The following WRN variants were observed in gnomAD, a reference collection of about 807,000 sequenced individuals.
WRN encodes the protein WRN RecQ like helicase.
A neutral mutation model predicts 180.7 loss-of-function variants in WRN; 149 were observed. The observed-to-expected ratio is 0.82, with a 90% CI of 0.72 to 0.94. The LOEUF (loss-of-function observed/expected upper bound fraction) is 0.94. Ranked by LOEUF, WRN falls within the 40% of genes least tolerant of loss-of-function variation. The probability of loss-of-function intolerance (pLI) is 0.00; values close to 1 mark genes in which losing one functional copy is unlikely to be tolerated. For missense variants in WRN, 1,661 were observed against 1,700.1 expected, an observed-to-expected ratio of 0.98 and a Z score of 0.40; for synonymous variants, 548 against 568.9, an observed-to-expected ratio of 0.96 and a Z score of 0.52.
intron 8 of WRN, among the ~76,000 whole-genome samples, chr8:31,080,166 C>T (rs746123282): frequency 6.6e-6 from 1 of 152,202 alleles, no homozygotes; most frequent in Admixed American, 6.5e-5. Context: ...CAGGCATGAA[C>T]CACCGTGCCC....
chr8:31,066,367 T>A (rs1390263803), intron 5 of WRN, among the ~76,000 whole-genome samples: 2 of 151,860 alleles, frequency 1.3e-5, no homozygotes, highest in East Asian at 3.9e-4. Flanking sequence ...GTATTTTTTT[T>A]AGTAGAGACG....
At chr8:31,045,543 C>T (rs1196955395) in intron 1 of WRN, among the ~76,000 whole-genome samples, 2 of 151,952 alleles carry the variant, frequency 1.3e-5, no homozygotes, top group Non-Finnish European at 2.9e-5. Context: ...GATGGGATTA[C>T]AGCACTCGCT....
At chr8:31,050,090 TTAAAGA>T (rs1221469834) in intron 1 of WRN, among the ~76,000 whole-genome samples, 1 of 152,082 alleles carries the variant, frequency 6.6e-6, no homozygotes, top group Non-Finnish European at 1.5e-5. Flanking sequence ...TCCAAATAAC[TTAAAGA>T]TAATTCTTGT....
chr8:31,135,373 G>A lies in WRN; in HGVS notation c.2967+2867G>A, dbSNP rs1218841978. Among the ~76,000 whole-genome samples, 4 of 152,104 alleles carry A rather than the reference G, an allele frequency of 2.6e-5. No individual in the cohort carries two copies. The East Asian group carries it at 7.7e-4, about 29-fold the overall frequency. On this transcript the variant is annotated intron_variant, in intron 24 of 34. Transcript: ENST00000298139. ...TGAGTTTAAAATTTCTTGAGTTGGAGTTTATGGCTATTTTTTCCACTAGTT... is the reference window on the plus strand; with the variant it reads ...TGAGTTTAAAATTTCTTGAGTTGGAATTTATGGCTATTTTTTCCACTAGTT...
chr8:31,065,780 T>G (rs1463116830), intron 5 of WRN, among the ~76,000 whole-genome samples: 1 of 152,146 alleles, frequency 6.6e-6, no homozygotes, highest in Non-Finnish European at 1.5e-5. Flanking sequence ...CTGGGGCAAA[T>G]GGTATTTCTT....
intron 4 of WRN, 60 bp downstream of exon 4, chr8:31,064,494 C>T (rs1486689108): frequency 1.2e-6 from 2 of 1,608,188 alleles, no homozygotes; most frequent in Non-Finnish European, 1.7e-6. Context: ...CAACTTTATC[C>T]CTATAAAATT....
At chr8:31,120,147 A>G (rs1801667316) in intron 20 of WRN, 96 bp from the exon 21 acceptor site, 1 of 1,454,150 alleles carries the variant, frequency 6.9e-7, no homozygotes, top group African/African-American at 1.4e-5. Flanking sequence ...CCAGGGACTT[A>G]AGTTAACGAA....
intron 31 of WRN, 97 bp from the exon 32 acceptor site, chr8:31,154,522 TTTAAC>T (rs2130469194): frequency 2.2e-6 from 3 of 1,392,816 alleles, no homozygotes; most frequent in Non-Finnish European, 2.9e-6. Context: ...TGCTTATGGG[TTTAAC>T]TTGTGTTATT....
Position 31,174,819 on chromosome 8 carries a change from TCCTCCCTCCCTCCCTCCCTC to T in WRN, c.*1731_*1750del, listed in dbSNP as rs537958118. 2.8e-4 allele frequency among the ~76,000 whole-genome samples: 24 copies of T among 86,626 alleles called. No homozygotes were observed. The highest frequency in any genetic ancestry group is 9.3e-4 in the African/African-American group (23 of 24,746). 56.8% of individuals were successfully genotyped at this position (86,626 alleles called of 152,430 possible). On this transcript the variant is annotated 3_prime_UTR_variant, in exon 35 of 35. Transcript: ENST00000298139. ...CCCCTTCCTTCCTTCCTTCCTTCCT[TCCTCCCTCCCTCCCTCCCTC>T]CCTCCCTCCCTCCTTTCTTTTTCTT...
chr8:31,141,622 C>T, intron 25 of WRN, 22 bp downstream of exon 25: 1 of 1,614,012 alleles, frequency 6.2e-7, no homozygotes, highest in Non-Finnish European at 8.5e-7. Context: ...AGGAGTCTGC[C>T]TGTTTGACTT....
chr8:31,133,548 A>G (rs1366314708), intron 24 of WRN, among the ~76,000 whole-genome samples: 1 of 152,074 alleles, frequency 6.6e-6, no homozygotes, highest in African/African-American at 2.4e-5. Context: ...AAAGAAACAT[A>G]TTTATTAAAT....
At chr8:31,069,417 G>C (rs1042886865) in intron 7 of WRN, among the ~76,000 whole-genome samples, 1 of 151,854 alleles carries the variant, frequency 6.6e-6, no homozygotes, top group Non-Finnish European at 1.5e-5. Context: ...CATATCCCTG[G>C]GTTCTGCATC....
intron 11 of WRN, among the ~76,000 whole-genome samples, chr8:31,086,777 A>G (rs1342138637): frequency 2.0e-5 from 3 of 152,178 alleles, no homozygotes; most frequent in African/African-American, 7.2e-5. Context: ...TGTTTAATAC[A>G]TATTAGCTAA....
chr8:31,067,917 G>T (rs1035312598), intron 6 of WRN, among the ~76,000 whole-genome samples: 1 of 152,002 alleles, frequency 6.6e-6, no homozygotes, highest in Admixed American at 6.6e-5. Flanking sequence ...AAAAGATACC[G>T]CCAAACTTGA....
intron 33 of WRN, among the ~76,000 whole-genome samples, chr8:31,162,571 TATC>T (rs765075335): frequency 1.4e-4 from 21 of 152,222 alleles, no homozygotes; most frequent in Non-Finnish European, 2.9e-4. Context: ...AGTCATTTAT[TATC>T]ATTTTCAAGT....
At chr8:31,034,866 G>A (rs1400090474) in intron 1 of WRN, among the ~76,000 whole-genome samples, 3 of 152,144 alleles carry the variant, frequency 2.0e-5, no homozygotes, top group Non-Finnish European at 2.9e-5. Flanking sequence ...TAGGGTATGA[G>A]TTATCGTGTC....
intron 16 of WRN, among the ~76,000 whole-genome samples, chr8:31,093,409 G>T (rs544907276): frequency 4.6e-5 from 7 of 152,040 alleles, no homozygotes; most frequent in Non-Finnish European, 1.0e-4. Context: ...TGCAGTTGTT[G>T]TTGTTGTTGT....
intron 3 of WRN, among the ~76,000 whole-genome samples, chr8:31,063,269 C>G (rs2015230): frequency 1.3e-5 from 2 of 152,038 alleles, no homozygotes; most frequent in African/African-American, 4.8e-5. Context: ...CTCAACACTA[C>G]GTTTTTGAGA....
At chr8:31,078,449 A>G (rs1008854482) in intron 8 of WRN, among the ~76,000 whole-genome samples, 1 of 152,156 alleles carries the variant, frequency 6.6e-6, no homozygotes, top group Non-Finnish European at 1.5e-5. Flanking sequence ...TTGTTCATAG[A>G]TCCAGTTTGA....
Sources: gnomAD v4.1 joint callset for allele counts (sites outside exome capture counted in the v4.1 genomes callset) on GRCh38, gnomAD v4.1.1 for gene constraint, MANE v1.5 for transcripts, NCBI Gene and HGNC (gene_info 2026-07-23, HGNC 2026-07-21) for gene names.